KCNQ1: variants seen among roughly 807,000 people sequenced by gnomAD.
KCNQ1 encodes the protein potassium voltage-gated channel subfamily Q member 1.
Under a neutral mutation model 72.4 loss-of-function variants are expected in KCNQ1, and 49 were observed. The observed-to-expected ratio is 0.68, with a 90% CI of 0.54 to 0.86. The LOEUF is 0.86. Ranked by LOEUF, KCNQ1 falls within the 40% of genes least tolerant of loss-of-function variation. The pLI, the probability that KCNQ1 is intolerant of heterozygous loss-of-function variation, is 0.00. For synonymous variants in KCNQ1, 450 were observed against 412.6 expected (o/e 1.09, Z -1.10); for missense variants, 790 against 945.1 (o/e 0.84, Z 2.15).
intron 11 of KCNQ1, among the ~76,000 whole-genome samples, chr11:2,731,614 T>G (rs1845859827): frequency 6.6e-6 from 1 of 152,164 alleles, no homozygotes; most frequent in Admixed American, 6.5e-5. Context: ...AACAGACCCA[T>G]CTTTTGGGGG....
rs749539004 is a variant in KCNQ1 at position 2,603,910 on chromosome 11, C to T, written c.1393+15056C>T. 1.4e-4 allele frequency among the ~76,000 whole-genome samples: 21 copies of T among 151,908 alleles called. No homozygotes were observed. Among genetic ancestry groups the T allele is most frequent in the Non-Finnish European group, 2.1e-4 (14 of 67,968 alleles). ...TTCGCCATGTTAGCCAGGCTGGTCT[C>T]GAACTCCTGACCTCAGGTGATCCGC... On this transcript the variant is annotated intron_variant, in intron 10 of 15. Transcript: ENST00000155840. This position sits in a 1 kb window ranked among gnomAD's most constrained non-coding sequence, Gnocchi z 4.1.
In KCNQ1 at chr11:2,516,462, C is replaced by T. The variant is rs1310171271; in HGVS notation, c.387-11466C>T. On this transcript the variant is annotated intron_variant, in intron 1 of 15. Transcript: ENST00000155840. This position sits in a 1 kb window ranked among gnomAD's most constrained non-coding sequence, Gnocchi z 7.0. ...GGGCACACGTTCCTGTTTGAATTCTCAATCTCCGGGCTCAAAATTGGCCCC... is the reference window on the plus strand; with the variant it reads ...GGGCACACGTTCCTGTTTGAATTCTTAATCTCCGGGCTCAAAATTGGCCCC... Among the ~76,000 whole-genome samples, 2 of 152,120 alleles carry T rather than the reference C, an allele frequency of 1.3e-5. No individual in the cohort carries two copies. The highest frequency in any genetic ancestry group is 4.8e-5 in the African/African-American group (2 of 41,434).
At chr11:2,773,495 C>A (rs976219744) in intron 12 of KCNQ1, among the ~76,000 whole-genome samples, 1 of 151,098 alleles carries the variant, frequency 6.6e-6, no homozygotes. Flanking sequence ...GGCTCAGCAT[C>A]CCATCTTACA....
In KCNQ1 at chr11:2,746,359, A is replaced by T. The variant is rs1846138669; in HGVS notation, c.1515-22485A>T. ...TTTGTCACAAGGAAACAACAGTGCT[A>T]CATGACTGTTAACTGAGTCCATGCT... On this transcript the variant is annotated intron_variant, in intron 11 of 15. Transcript: ENST00000155840. This position sits in a 1 kb window ranked among gnomAD's most constrained non-coding sequence, Gnocchi z 5.9. 6.6e-6 allele frequency among the ~76,000 whole-genome samples: 1 copy of T among 152,240 alleles called. No homozygotes were observed. Among genetic ancestry groups the T allele is most frequent in the African/African-American group, 2.4e-5 (1 of 41,456 alleles).
At chr11:2,760,668 C>T (rs1391061468) in intron 11 of KCNQ1, among the ~76,000 whole-genome samples, 4 of 152,190 alleles carry the variant, frequency 2.6e-5, no homozygotes, top group East Asian at 1.9e-4. Flanking sequence ...CAACCAGGGT[C>T]CAGGGGTCAC....
chr11:2,621,075 T>TC lies in KCNQ1; in HGVS notation c.1393+32222dup. On this transcript the variant is annotated intron_variant, in intron 10 of 15. Coordinates refer to ENST00000155840, the MANE Select transcript of KCNQ1 (RefSeq NM_000218.3). This position sits in a 1 kb window ranked among gnomAD's most constrained non-coding sequence, Gnocchi z 5.7. ...TCACTGCAACCTCCACCTCCTGGGTTCAAGCAATTCTCCTGTCTCAGACTC... is the reference window on the plus strand; with the variant it reads ...TCACTGCAACCTCCACCTCCTGGGTTCCAAGCAATTCTCCTGTCTCAGACTC... 2.5e-6 allele frequency: 1 copy of TC among 397,316 alleles called. No homozygotes were observed. Among genetic ancestry groups the TC allele is most frequent in the Non-Finnish European group, 4.4e-6 (1 of 225,818 alleles). The allele number at this position is 397,316 out of a possible 1,614,324, so 24.6% of individuals were successfully genotyped here.
At chr11:2,829,236 G>A (rs1213276939) in intron 15 of KCNQ1, among the ~76,000 whole-genome samples, 1 of 152,112 alleles carries the variant, frequency 6.6e-6, no homozygotes, top group Non-Finnish European at 1.5e-5. Flanking sequence ...ATGAGTGAAA[G>A]AAGTTCTAGC....
At position 2,542,156 on chromosome 11, in the gene KCNQ1, G is replaced by T. The variant is rs562673852; in HGVS notation, c.477+14138G>T. Among the ~76,000 whole-genome samples the T allele has an allele frequency of 1.0e-3, 157 of 152,356 alleles. 1 individual carries two copies. Among genetic ancestry groups the T allele is most frequent in the African/African-American group, 3.7e-3 (152 of 41,586 alleles). On this transcript the variant is annotated intron_variant, in intron 2 of 15. Transcript: ENST00000155840. ...CGTCACCAATCCTCTCTGCACCTCA[G>T]CTTCCTCATGTGTGAAATTCAGGTC...
In KCNQ1 at chr11:2,768,669, C is replaced by T. The variant is rs1052528907; in HGVS notation, c.1515-175C>T. On this transcript the variant is annotated intron_variant, in intron 11 of 15. Coordinates refer to ENST00000155840, the MANE Select transcript of KCNQ1 (RefSeq NM_000218.3). This position sits in a 1 kb window ranked among gnomAD's most constrained non-coding sequence, Gnocchi z 6.7. ...CCTTGAAAAGCCTCTTGCCCCCAGC[C>T]TCCCCTCGAGCCCACACTGGGACAT... Among the ~76,000 whole-genome samples the T allele has an allele frequency of 6.6e-6, 1 of 152,142 alleles. No individual in the cohort carries two copies. The highest frequency in any genetic ancestry group is 1.5e-5 in the Non-Finnish European group (1 of 68,040).
intron 10 of KCNQ1, chr11:2,649,800 G>A: frequency 2.5e-6 from 1 of 398,330 alleles, no homozygotes; most frequent in Non-Finnish European, 4.4e-6. Context: ...ATCTATTTAG[G>A]GATTTGTGAG....
In KCNQ1 at chr11:2,526,620, C is replaced by T. The variant is rs1350174244; in HGVS notation, c.387-1308C>T. Among the ~76,000 whole-genome samples, 4 of 137,080 alleles carry T rather than the reference C, an allele frequency of 2.9e-5. No individual in the cohort carries two copies. The highest frequency in any genetic ancestry group is 2.5e-4 in the East Asian group (1 of 3,950). 89.9% of individuals were successfully genotyped at this position (137,080 alleles called of 152,430 possible). ...ACCTCCGTGCAGCAGGAGGATGAGC[C>T]GAGGCAGGCTGTGCTGGGAGGTAGC... On this transcript the variant is annotated intron_variant, in intron 1 of 15. Coordinates refer to ENST00000155840, the MANE Select transcript of KCNQ1 (RefSeq NM_000218.3). This position sits in a 1 kb window ranked among gnomAD's most constrained non-coding sequence, Gnocchi z 6.1.
At chr11:2,635,937 T>C (rs1849457136) in intron 10 of KCNQ1, 1 of 152,194 alleles carries the variant, frequency 6.6e-6, no homozygotes. Context: ...TTTATTCTCT[T>C]TGAAGCAATT....
At chr11:2,763,416 T>TAAGAAAGA (rs933547133) in intron 11 of KCNQ1, among the ~76,000 whole-genome samples, 2 of 128,096 alleles carry the variant, frequency 1.6e-5, no homozygotes, top group Admixed American at 1.6e-4. Context: ...AAAAAAAAAA[T>TAAGAAAGA]AAGAAAGAAA....
rs371339871 is a variant in KCNQ1, at chr11:2,698,972, C to T, written c.1514+36891C>T. 2.5e-6 allele frequency: 1 copy of T among 398,610 alleles called. No individual in the cohort carries two copies. Among genetic ancestry groups the T allele is most frequent in the South Asian group, 1.3e-4 (1 of 7,846 alleles). 24.7% of individuals were successfully genotyped at this position (398,610 alleles called of 1,614,324 possible). On this transcript the variant is annotated intron_variant, in intron 11 of 15. Transcript: ENST00000155840. The surrounding 1 kb of genome is among the most constrained non-coding windows in gnomAD (Gnocchi z 5.1). Reference sequence around the variant, plus strand: ...TAGGATACCTAACTCAGAACCACAACGGGGATTCCCACCTCCGATCCTAAT... The same window carrying T: ...TAGGATACCTAACTCAGAACCACAATGGGGATTCCCACCTCCGATCCTAAT...
chr11:2,461,861 G>A, intron 1 of KCNQ1: 1 of 542,766 alleles, frequency 1.8e-6, no homozygotes, highest in South Asian at 1.7e-5. Flanking sequence ...GAAAGGGGTG[G>A]GTGGACGGAG....
At position 2,674,572 on chromosome 11, in the gene KCNQ1, C is replaced by T. The variant is rs182526565; in HGVS notation, c.1514+12491C>T. The T allele has an allele frequency of 1.1e-3, 437 of 398,592 alleles. 2 individuals carry two copies. The highest frequency in any genetic ancestry group is 8.0e-3 in the African/African-American group (390 of 48,748). The allele number at this position is 398,592 out of a possible 1,614,324, so 24.7% of individuals were successfully genotyped here. On this transcript the variant is annotated intron_variant, in intron 11 of 15. Transcript: ENST00000155840. This position sits in a 1 kb window ranked among gnomAD's most constrained non-coding sequence, Gnocchi z 5.9. ...ATACCTCGAGTGAGTGAATCTGAAG[C>T]ATGCTAGTTGTGTTGCCTTTTAAAT...
In KCNQ1 at chr11:2,724,503, G is replaced by A. The variant is rs773015951; in HGVS notation, c.1515-44341G>A. On this transcript the variant is annotated intron_variant, in intron 11 of 15. Transcript: ENST00000155840. The surrounding 1 kb of genome is among the most constrained non-coding windows in gnomAD (Gnocchi z 6.8). ...AGAGAGAGAAGTGGTGGGTGGCAGC[G>A]AGCAGGCTGTCCTGCAAGGCCGTGG... Among the ~76,000 whole-genome samples, 18 of 152,220 alleles carry A rather than the reference G, an allele frequency of 1.2e-4. No homozygotes were observed. The highest frequency in any genetic ancestry group is 1.0e-4 in the Non-Finnish European group (7 of 68,038).
rs1848566855 is a variant in KCNQ1, at chr11:2,584,700, T to G, written c.1033-512T>G. On this transcript the variant is annotated intron_variant, in intron 7 of 15. Coordinates refer to ENST00000155840, the MANE Select transcript of KCNQ1 (RefSeq NM_000218.3). ...GTTTGTGTGTGTGTCAGTGTGTGTG[T>G]GTTAGTGTGCATATCTATTGTGTGT... 2.0e-5 allele frequency among the ~76,000 whole-genome samples: 3 copies of G among 151,832 alleles called. No homozygotes were observed. The South Asian group carries it at 6.3e-4, about 32-fold the overall frequency.
intron 15 of KCNQ1, among the ~76,000 whole-genome samples, chr11:2,786,543 A>T (rs770007478): frequency 6.7e-6 from 1 of 150,064 alleles, no homozygotes; most frequent in Non-Finnish European, 1.5e-5. Context: ...TTTATTGGCC[A>T]GTAGTAGACC....
Sources: gnomAD v4.1 joint callset for allele counts (sites outside exome capture counted in the v4.1 genomes callset) on GRCh38, gnomAD v4.1.1 for gene constraint, Gnocchi (gnomAD v3.1) non-coding constraint, MANE v1.5 for transcripts, NCBI Gene and HGNC (gene_info 2026-07-23, HGNC 2026-07-21) for gene names.